The following MLLT10 variants were observed in gnomAD, a reference collection of about 807,000 sequenced individuals.
MLLT10 encodes protein AF-10.
In MLLT10, 30 loss-of-function variants were observed where a neutral mutation model predicts 129.1. That is an observed-to-expected ratio of 0.23 (90% confidence interval 0.17 to 0.32). The LOEUF (loss-of-function observed/expected upper bound fraction) is 0.32, where lower values mean the gene tolerates loss of function less well. Among genes scored for constraint, MLLT10 ranks in the 10% least tolerant of loss-of-function variants. The pLI is 1.00. For missense variants in MLLT10, 1,119 were observed against 1,268.3 expected, an observed-to-expected ratio of 0.88 and a Z score of 1.79; for synonymous variants, 490 against 446.4, an observed-to-expected ratio of 1.10 and a Z score of -1.23.
At chr10:21,548,617 C>A (rs994761027) in intron 3 of MLLT10, among the ~76,000 whole-genome samples, 2 of 152,168 alleles carry the variant, frequency 1.3e-5, no homozygotes, top group Non-Finnish European at 2.9e-5. Flanking sequence ...GATCCACTCA[C>A]CTTTGCCTCC....
chr10:21,734,515 T>C (rs561312977), intron 20 of MLLT10, among the ~76,000 whole-genome samples: 11 of 152,338 alleles, frequency 7.2e-5, no homozygotes, highest in African/African-American at 1.9e-4. Flanking sequence ...GATTTTGATA[T>C]AGGATAAAGG....
intron 13 of MLLT10, among the ~76,000 whole-genome samples, chr10:21,701,311 A>T (rs898265381): frequency 4.8e-5 from 6 of 124,952 alleles, no homozygotes; most frequent in Non-Finnish European, 4.9e-5. Context: ...TGAGAGGGAG[A>T]GGGGGTCTCT....
upstream of MLLT10, among the ~76,000 whole-genome samples, chr10:21,533,989 T>C (rs1242769670): frequency 1.3e-5 from 2 of 151,904 alleles, no homozygotes; most frequent in Non-Finnish European, 2.9e-5. Flanking sequence ...CCACCAGCGC[T>C]GCAGAGGGCG....
intron 3 of MLLT10, among the ~76,000 whole-genome samples, chr10:21,546,029 T>G (rs2036020450): frequency 6.6e-6 from 1 of 152,182 alleles, no homozygotes; most frequent in Non-Finnish European, 1.5e-5. Context: ...TATTAGAAAT[T>G]TATCTACTTA....
chr10:21,657,560 T>C (rs1443779110), intron 9 of MLLT10, among the ~76,000 whole-genome samples: 1 of 152,190 alleles, frequency 6.6e-6, no homozygotes, highest in Admixed American at 6.5e-5. Flanking sequence ...AAGCAATCTT[T>C]AACACATTAC....
At chr10:21,584,070 C>T (rs1386560251) in intron 3 of MLLT10, among the ~76,000 whole-genome samples, 15 of 151,844 alleles carry the variant, frequency 9.9e-5, no homozygotes, top group Non-Finnish European at 2.1e-4. Context: ...GGGGTTTCAC[C>T]GTGTTAGCCA....
At chr10:21,738,664 C>G (rs2058582341) in intron 21 of MLLT10, 2 of 705,428 alleles carry the variant, frequency 2.8e-6, no homozygotes, top group Non-Finnish European at 3.5e-6. Flanking sequence ...GTGGTCCCTT[C>G]TCATTCTTCA....
At chr10:21,679,274 C>T (rs950517678) in intron 11 of MLLT10, among the ~76,000 whole-genome samples, 2 of 152,250 alleles carry the variant, frequency 1.3e-5, no homozygotes, top group South Asian at 2.1e-4. Flanking sequence ...CTCTTTCCTA[C>T]GTACATTTTT....
intron 16 of MLLT10, among the ~76,000 whole-genome samples, chr10:21,730,060 G>A (rs994496027): frequency 6.6e-6 from 1 of 152,066 alleles, no homozygotes; most frequent in African/African-American, 2.4e-5. Flanking sequence ...TTCAGCCCAG[G>A]AGTTGGAGAC....
intron 8 of MLLT10, among the ~76,000 whole-genome samples, chr10:21,643,697 C>T (rs891645574): frequency 5.9e-5 from 9 of 152,132 alleles, no homozygotes; most frequent in South Asian, 2.1e-4. Flanking sequence ...AGATGACTAA[C>T]GACACCTCCC....
At chr10:21,701,407 A>G (rs1183158092) in intron 13 of MLLT10, among the ~76,000 whole-genome samples, 2 of 150,578 alleles carry the variant, frequency 1.3e-5, no homozygotes, top group Non-Finnish European at 2.9e-5. Context: ...GCATCATTAG[A>G]TTGTTTATTT....
In MLLT10 at chr10:21,534,353, T is replaced by G. The variant is rs1266494529; in HGVS notation, c.-168T>G. 5 of 378,078 alleles carry G rather than the reference T, an allele frequency of 1.3e-5. No homozygotes were observed. The Admixed American group carries it at 1.8e-4, about 13-fold the overall frequency. 23.4% of individuals were successfully genotyped at this position (378,078 alleles called of 1,614,324 possible). ...CTGTGCGGAGGCCCTCTTGATTATG[T>G]GTGCCCTCTCCGGGCGCCCGCGTTA... On this transcript the variant is annotated 5_prime_UTR_variant, in exon 1 of 23. Transcript: ENST00000307729.
chr10:21,593,563 C>G (rs1258535349), intron 4 of MLLT10, among the ~76,000 whole-genome samples: 3 of 151,974 alleles, frequency 2.0e-5, no homozygotes, highest in Non-Finnish European at 4.4e-5. Flanking sequence ...TCTTATTTCT[C>G]CTTATTTTCA....
chr10:21,732,783 T>G, intron 17 of MLLT10, 116 bp from the exon 18 acceptor site: 1 of 796,574 alleles, frequency 1.3e-6, no homozygotes, highest in Non-Finnish European at 1.8e-6. Context: ...TAGAAACACT[T>G]TACAGAATTT....
chr10:21,612,085 G>A (rs1387187481), intron 5 of MLLT10, among the ~76,000 whole-genome samples: 2 of 152,180 alleles, frequency 1.3e-5, no homozygotes, highest in African/African-American at 4.8e-5. Context: ...CCTGGGAAGA[G>A]TCTTCCTGTC....
chr10:21,702,937 T>C (rs1564678014), intron 13 of MLLT10, among the ~76,000 whole-genome samples: 1 of 152,192 alleles, frequency 6.6e-6, no homozygotes, highest in Non-Finnish European at 1.5e-5. Context: ...TTATTATTGA[T>C]ATGTGAGGTT....
intron 9 of MLLT10, among the ~76,000 whole-genome samples, chr10:21,660,615 CA>C (rs55685640): frequency 8.4e-3 from 353 of 41,822 alleles, no homozygotes; most frequent in African/African-American, 0.016. Flanking sequence ...GACTCCATCT[CA>C]AAAAAAAAAA....
At chr10:21,730,659 G>T (rs2057894753) in intron 16 of MLLT10, among the ~76,000 whole-genome samples, 1 of 152,084 alleles carries the variant, frequency 6.6e-6, no homozygotes, top group Non-Finnish European at 1.5e-5. Context: ...TTTTCTAGTG[G>T]TTTTTAATTA....
intron 13 of MLLT10, among the ~76,000 whole-genome samples, chr10:21,689,304 A>G (rs2053590693): frequency 6.6e-6 from 1 of 151,970 alleles, no homozygotes; most frequent in Admixed American, 6.6e-5. Flanking sequence ...CATATATGTA[A>G]TAATTTCAAG....
Sources: gnomAD v4.1 joint callset for allele counts (sites outside exome capture counted in the v4.1 genomes callset) on GRCh38, gnomAD v4.1.1 for gene constraint, MANE v1.5 for transcripts, NCBI Gene and HGNC (gene_info 2026-07-23, HGNC 2026-07-21) for gene names.